The following HDX variants were observed in gnomAD, a reference collection of about 807,000 sequenced individuals.
The protein encoded by HDX is chromosome X open reading frame 43.
HDX carries 19 observed loss-of-function variants against 45.2 expected under a neutral mutation model. That is an observed-to-expected ratio of 0.42 (90% CI 0.29 to 0.62). The LOEUF is 0.62. Among genes scored for constraint, HDX ranks in the 20% least tolerant of loss-of-function variants. The probability of loss-of-function intolerance (pLI) is 0.20; values close to 1 mark genes in which losing one functional copy is unlikely to be tolerated. For missense variants in HDX, 532 were observed against 493.9 expected (o/e 1.08, Z -0.73); for synonymous variants, 188 against 172.8 (o/e 1.09, Z -0.69).
At chrX:84,465,693 A>C (rs1046124924) in intron 4 of HDX, among the ~76,000 whole-genome samples, 5 of 111,893 alleles carry the variant, frequency 4.5e-5, no homozygotes, top group African/African-American at 1.6e-4. Context: ...TAGGGGAGGG[A>C]TAGCATTAGG....
chrX:84,478,116 C>G (rs749057484), intron 2 of HDX, among the ~76,000 whole-genome samples: 15 of 111,926 alleles, frequency 1.3e-4, no homozygotes, highest in African/African-American at 4.9e-4. Flanking sequence ...TATATGAACT[C>G]ATTTGTGTTA....
intron 5 of HDX, among the ~76,000 whole-genome samples, chrX:84,390,905 A>C (rs2038425510): frequency 8.9e-6 from 1 of 111,828 alleles, no homozygotes; most frequent in South Asian, 3.8e-4. Flanking sequence ...GTAATGATCA[A>C]GTCAGGGAAT....
chrX:84,379,169 A>C (rs1399457205), intron 5 of HDX, among the ~76,000 whole-genome samples: 2 of 109,736 alleles, frequency 1.8e-5, no homozygotes, highest in Non-Finnish European at 3.8e-5. Context: ...TATATAATCA[A>C]ATTATATATA....
intron 5 of HDX, among the ~76,000 whole-genome samples, chrX:84,415,039 A>G (rs1025780391): frequency 8.9e-6 from 1 of 112,357 alleles, no homozygotes; most frequent in Non-Finnish European, 1.9e-5. Context: ...AACAAATTCT[A>G]TTGAAATTTC....
chrX:84,374,714 C>A (rs1219468167), intron 5 of HDX, among the ~76,000 whole-genome samples: 1 of 109,577 alleles, frequency 9.1e-6, no homozygotes, highest in Non-Finnish European at 1.9e-5. Context: ...AAACTGGATC[C>A]CTTCATTACA....
chrX:84,374,658 T>G lies in HDX; in HGVS notation c.1306-13046A>C, dbSNP rs1741269301. On this transcript the variant is annotated intron_variant, in intron 5 of 10. Transcript: ENST00000373177. ...AGCAATGGGGAAAGGATTCCCTATT[T>G]AATAAATGGTGCTGGGAAAACTGGC... Among the ~76,000 whole-genome samples, 3 of 108,444 alleles carry G rather than the reference T, an allele frequency of 2.8e-5. No homozygotes were observed. The Admixed American group carries it at 3.0e-4, about 11-fold the overall frequency. 94.2% of individuals were successfully genotyped at this position (108,444 alleles called of 115,157 possible). A position where few individuals can be genotyped will look rare whatever the true frequency, so the allele number is the denominator to read the frequency against.
chrX:84,470,065 T>A (rs1038211775), intron 3 of HDX, among the ~76,000 whole-genome samples: 2 of 112,079 alleles, frequency 1.8e-5, no homozygotes, highest in African/African-American at 3.2e-5. Context: ...ATCTTTAGAC[T>A]CATCAACTTC....
intron 5 of HDX, among the ~76,000 whole-genome samples, chrX:84,380,176 C>A (rs1478187674): frequency 2.8e-5 from 3 of 109,039 alleles, no homozygotes; most frequent in Non-Finnish European, 5.8e-5. Context: ...ACAAAGATAT[C>A]CAAAACCCAA....
intron 5 of HDX, among the ~76,000 whole-genome samples, chrX:84,437,830 G>A (rs1243650340): frequency 9.0e-6 from 1 of 111,246 alleles, no homozygotes; most frequent in Non-Finnish European, 1.9e-5. Flanking sequence ...TAATTATCTT[G>A]CTTCCAGGAG....
Position 84,469,511 on chromosome X carries a change from G to T in HDX, c.212C>A (p.Thr71Lys). ...SKNSESGTAT[T>K]GTSLSAPDIT... The stretch of plus-strand genomic sequence containing the variant: ...GTCTGGAGCTGACAAAGAGGTTCCT[G>T]TTGTTGCTGTTCCAGATTCAGAGTT... The change falls in exon 4 of 11, where the codon ACA becomes AAA. Residue 71 changes from threonine to lysine, a missense_variant. By Grantham distance (78) the Thr-to-Lys change is moderately conservative. Coordinates refer to ENST00000373177, the MANE Select transcript of HDX (RefSeq NM_001177479.2). 1.7e-6 allele frequency: 2 copies of T among 1,205,839 alleles called. No individual in the cohort carries two copies. The highest frequency in any genetic ancestry group is 2.2e-6 in the Non-Finnish European group (2 of 891,536).
chrX:84,329,384 G>C (rs929494627), intron 9 of HDX, among the ~76,000 whole-genome samples: 1 of 111,683 alleles, frequency 9.0e-6, no homozygotes. Context: ...AAATGGTACA[G>C]CTACTTTGGA....
At chrX:84,405,588 C>CTTTTTT (rs55758874) in intron 5 of HDX, among the ~76,000 whole-genome samples, 8 of 58,178 alleles carry the variant, frequency 1.4e-4, no homozygotes, top group East Asian at 1.1e-3. Context: ...GGATTTTCTG[C>CTTTTTT]TTTTTTTTTT....
At chrX:84,470,773 G>T (rs989452058) in intron 3 of HDX, among the ~76,000 whole-genome samples, 3 of 110,998 alleles carry the variant, frequency 2.7e-5, no homozygotes, top group African/African-American at 9.8e-5. Flanking sequence ...TATACAATAA[G>T]AAATATATTC....
chrX:84,385,535 GT>G (rs1304029296), intron 5 of HDX, among the ~76,000 whole-genome samples: 1 of 110,592 alleles, frequency 9.0e-6, no homozygotes. Flanking sequence ...TCTTGCAGCA[GT>G]TTTTTTGTAG....
At chrX:84,364,347 A>T (rs767501089) in intron 5 of HDX, among the ~76,000 whole-genome samples, 3 of 110,672 alleles carry the variant, frequency 2.7e-5, no homozygotes, top group South Asian at 7.7e-4. Flanking sequence ...TTTCTAAATA[A>T]TCAAAAACAG....
In HDX at chrX:84,475,400, A is replaced by G; in HGVS notation, c.1-3T>C. The G allele has an allele frequency of 9.2e-7, 1 of 1,086,130 alleles. No individual in the cohort carries two copies. The highest frequency in any genetic ancestry group is 1.2e-6 in the Non-Finnish European group (1 of 810,953). 89.5% of individuals were successfully genotyped at this position (1,086,130 alleles called of 1,213,427 possible). A position where few individuals can be genotyped will look rare whatever the true frequency, so the allele number is the denominator to read the frequency against. Reference sequence around the variant, plus strand: ...GTAAATACAGAACGTAGATTCATCTAAAAATAAAAGAAGATACTCTGAAAA... The same window carrying G: ...GTAAATACAGAACGTAGATTCATCTGAAAATAAAAGAAGATACTCTGAAAA... On this transcript the variant is annotated splice_region_variant and splice_polypyrimidine_tract_variant and intron_variant, in intron 2 of 10. Transcript: ENST00000373177.
chrX:84,320,603 T>G lies in HDX; in HGVS notation c.*1286A>C, dbSNP rs1427627675. 1 of 111,161 alleles carries G rather than the reference T, an allele frequency of 9.0e-6. No individual in the cohort carries two copies. Among genetic ancestry groups the G allele is most frequent in the African/African-American group, 3.2e-5 (1 of 30,815 alleles). 9.2% of individuals were successfully genotyped at this position (111,161 alleles called of 1,213,427 possible). A position where few individuals can be genotyped will look rare whatever the true frequency, so the allele number is the denominator to read the frequency against. ...CTGAAACAGCCATCCAGCTACTTCA[T>G]TAATCTTTTAGGTATAGATAGTAAT... On this transcript the variant is annotated 3_prime_UTR_variant, in exon 11 of 11. Transcript: ENST00000373177.
intron 5 of HDX, among the ~76,000 whole-genome samples, chrX:84,412,229 T>G (rs1260161029): frequency 9.0e-6 from 1 of 111,664 alleles, no homozygotes; most frequent in Non-Finnish European, 1.9e-5. Flanking sequence ...CACACAGACT[T>G]GATTGTGTAG....
At chrX:84,469,912 T>A (rs2040424290) in intron 3 of HDX, among the ~76,000 whole-genome samples, 1 of 111,950 alleles carries the variant, frequency 8.9e-6, no homozygotes, top group African/African-American at 3.2e-5. Flanking sequence ...AAAAGTAACC[T>A]ACAAATGTAG....
Sources: allele counts gnomAD v4.1 joint callset (sites outside exome capture counted in the v4.1 genomes callset), GRCh38; gene constraint gnomAD v4.1.1; transcripts MANE v1.5; gene names NCBI Gene and HGNC (gene_info 2026-07-23, HGNC 2026-07-21).